KAZN: variants seen among roughly 807,000 people sequenced by gnomAD.
KAZN encodes the protein kazrin, periplakin interacting protein, also known as kazrin.
KAZN carries 40 observed loss-of-function variants against 87.4 expected under a neutral mutation model. That is an observed-to-expected ratio of 0.46 (90% CI 0.36 to 0.60). The LOEUF is 0.60. KAZN is among the 20% of genes least tolerant of loss of function. KAZN has a pLI of 0.00. For missense variants in KAZN, 898 were observed against 1,073.9 expected, an observed-to-expected ratio of 0.84 and a Z score of 2.29; for synonymous variants, 466 against 458.3, an observed-to-expected ratio of 1.02 and a Z score of -0.22.
intron 2 of KAZN, among the ~76,000 whole-genome samples, chr1:14,296,776 C>G (rs1438183991): frequency 6.6e-6 from 1 of 151,838 alleles, no homozygotes. Context: ...GCTGGGACTA[C>G]AGGCACACGC....
chr1:14,536,491 T>C (rs1672512925), intron 2 of KAZN, among the ~76,000 whole-genome samples: 1 of 152,182 alleles, frequency 6.6e-6, no homozygotes. Flanking sequence ...GTGGTGGCTG[T>C]TGACATTGGG....
rs561827397 is a variant in KAZN, at chr1:14,420,837, C to T, written c.250-178146C>T. Among the ~76,000 whole-genome samples, 4 of 151,222 alleles carry T rather than the reference C, an allele frequency of 2.6e-5. No individual in the cohort carries two copies. In the South Asian group the frequency reaches 8.3e-4, roughly 31 times the overall value. On this transcript the variant is annotated intron_variant, in intron 2 of 16. Coordinates refer to the KAZN transcript ENST00000636203. ...GAGCCCATCCCACCCAGAACTCAAG[C>T]TGGCCTGGGAGCGCTGCGCACAGCC...
chr1:14,983,993 G>C (rs1666524375), intron 2 of KAZN, among the ~76,000 whole-genome samples: 1 of 152,080 alleles, frequency 6.6e-6, no homozygotes, highest in African/African-American at 2.4e-5. Context: ...AAAAGAATGG[G>C]AAGCAAATTT....
chr1:14,839,544 A>T (rs1211584106), intron 1 of KAZN, among the ~76,000 whole-genome samples: 1 of 152,136 alleles, frequency 6.6e-6, no homozygotes, highest in African/African-American at 2.4e-5. Context: ...AAAAACCCCT[A>T]TTCATCCTTC....
At chr1:14,373,558 C>T (rs1660674186) in intron 2 of KAZN, among the ~76,000 whole-genome samples, 1 of 152,206 alleles carries the variant, frequency 6.6e-6, no homozygotes, top group South Asian at 2.1e-4. Context: ...ATGCTAATCT[C>T]TTCCAGAAAC....
At position 13,942,268 on chromosome 1, in the gene KAZN, C is replaced by T. The variant is rs531529533; in HGVS notation, c.91+48512C>T. 6.1e-4 allele frequency among the ~76,000 whole-genome samples: 92 copies of T among 152,012 alleles called. No individual in the cohort carries two copies. The Middle Eastern group carries it at 0.01, about 17-fold the overall frequency. ...AAAAATATAATTCACCGGCCAGGCG[C>T]GGTGGCTCACGCCTGTAATCCCAGC... On this transcript the variant is annotated intron_variant, in intron 1 of 16. Transcript: ENST00000636203.
chr1:14,760,582 C>T (rs1477951637), intron 1 of KAZN, among the ~76,000 whole-genome samples: 1 of 152,182 alleles, frequency 6.6e-6, no homozygotes, highest in Non-Finnish European at 1.5e-5. Flanking sequence ...TTTTTCTCCA[C>T]ACAGCAGCCA....
chr1:14,376,868 A>T (rs1660957774), intron 2 of KAZN, among the ~76,000 whole-genome samples: 1 of 152,214 alleles, frequency 6.6e-6, no homozygotes. Flanking sequence ...AACAAACTAA[A>T]AATTATTCTG....
At chr1:14,905,494 C>T (rs891617703) in intron 1 of KAZN, among the ~76,000 whole-genome samples, 2 of 152,180 alleles carry the variant, frequency 1.3e-5, no homozygotes, top group African/African-American at 4.8e-5. Flanking sequence ...CCCAAGGTCT[C>T]CTAACCAAAC....
rs780410306 is a variant in KAZN at position 15,065,027 on chromosome 1, C to CTTTTTTTTTT, written c.1099-590_1099-581dup. 4.7e-4 allele frequency among the ~76,000 whole-genome samples: 48 copies of CTTTTTTTTTT among 102,748 alleles called. 2 individuals carry two copies. The highest frequency in any genetic ancestry group is 1.3e-3 in the South Asian group (4 of 2,998). 67.4% of individuals were successfully genotyped at this position (102,748 alleles called of 152,430 possible). ...CACCGTCCTTGGGGTCTTTTTCTTTCTTTTTTTTTTTTTTTTTTTTTTGAG... is the reference window on the plus strand; with the variant it reads ...CACCGTCCTTGGGGTCTTTTTCTTTCTTTTTTTTTTTTTTTTTTTTTTTTTTTTTTTTGAG... On this transcript the variant is annotated intron_variant, in intron 7 of 14. Coordinates refer to ENST00000376030, the MANE Select transcript of KAZN (RefSeq NM_201628.3).
intron 1 of KAZN, among the ~76,000 whole-genome samples, chr1:14,901,284 G>T (rs1010023465): frequency 1.3e-5 from 2 of 152,144 alleles, no homozygotes; most frequent in African/African-American, 4.8e-5. Flanking sequence ...AAGTCCCCAA[G>T]GTGGGAAGCA....
At chr1:14,437,967 A>G (rs1666495505) in intron 2 of KAZN, among the ~76,000 whole-genome samples, 1 of 151,916 alleles carries the variant, frequency 6.6e-6, no homozygotes, top group Admixed American at 6.6e-5. Context: ...TGGTAGCTGT[A>G]TTGGTGAACT....
rs570474168 is a variant in KAZN, at chr1:14,565,528, GAC to G, written c.250-33453_250-33452del. Among the ~76,000 whole-genome samples, 27 of 152,270 alleles carry G rather than the reference GAC, an allele frequency of 1.8e-4. No homozygotes were observed. The East Asian group carries it at 5.2e-3, about 29-fold the overall frequency. On this transcript the variant is annotated intron_variant, in intron 2 of 16. Coordinates refer to the KAZN transcript ENST00000636203. The stretch of plus-strand genomic sequence containing the variant: ...TGGCTCTGGCAATTTCTTAAAATAA[GAC>G]AACAATGAAGCTTGACACATTGATT...
chr1:15,005,410 A>G (rs1378372629), intron 2 of KAZN, among the ~76,000 whole-genome samples: 1 of 151,884 alleles, frequency 6.6e-6, no homozygotes, highest in Non-Finnish European at 1.5e-5. Context: ...ACTCTGTCCC[A>G]TTTTCCCTGG....
intron 2 of KAZN, among the ~76,000 whole-genome samples, chr1:14,364,778 T>A (rs1031349359): frequency 2.0e-5 from 3 of 152,222 alleles, no homozygotes; most frequent in Non-Finnish European, 2.9e-5. Context: ...AGGGAAGAAT[T>A]GTTCCTTGTC....
intron 1 of KAZN, among the ~76,000 whole-genome samples, chr1:13,981,095 A>ATATATATATATATATATATATAAAAG (rs1196413078): frequency 2.9e-5 from 3 of 104,244 alleles, no homozygotes; most frequent in South Asian, 3.1e-4. Flanking sequence ...CTCTTTATAT[A>ATATATATATATATATATATATAAAAG]TATATATATA....
At chr1:14,510,877 A>C (rs1032663748) in intron 2 of KAZN, among the ~76,000 whole-genome samples, 4 of 152,206 alleles carry the variant, frequency 2.6e-5, no homozygotes, top group African/African-American at 9.6e-5. Context: ...TGGAAAATCA[A>C]GGATGACTCT....
chr1:13,983,471 A>C (rs146148461), intron 1 of KAZN, among the ~76,000 whole-genome samples: 1,694 of 152,324 alleles, frequency 0.011, 15 homozygotes, highest in Non-Finnish European at 0.019. Flanking sequence ...AGGGCCCGCC[A>C]AGCCCACGAC....
chr1:13,925,239 C>T (rs1640228798), intron 1 of KAZN, among the ~76,000 whole-genome samples: 1 of 152,226 alleles, frequency 6.6e-6, no homozygotes, highest in African/African-American at 2.4e-5. Flanking sequence ...ATTTCAGATA[C>T]AATCCGTGTT....
Sources: allele counts gnomAD v4.1 joint callset (sites outside exome capture counted in the v4.1 genomes callset), GRCh38; gene constraint gnomAD v4.1.1; transcripts MANE v1.5; gene names NCBI Gene and HGNC (gene_info 2026-07-23, HGNC 2026-07-21).